ABTB3: variants seen among roughly 807,000 people sequenced by gnomAD.
ABTB3 encodes ankyrin repeat and BTB domain containing 3, also known as ankyrin repeat- and BTB/POZ domain-containing protein 3.
At chr12:107,642,145 G>A in the ABTB3 span, 1 of 1,613,986 alleles carries the variant, frequency 6.2e-7, no homozygotes, top group African/African-American at 1.3e-5. Context: ...CATAGAGATT[G>A]GTTATGTGAA....
the ABTB3 span, among the ~76,000 whole-genome samples, chr12:107,437,030 A>G: frequency 6.6e-6 from 1 of 152,026 alleles, no homozygotes. Context: ...GGAGTAGAAG[A>G]GTCATCCTTG....
the ABTB3 span, among the ~76,000 whole-genome samples, chr12:107,632,600 A>G: frequency 6.6e-6 from 1 of 152,242 alleles, no homozygotes; most frequent in African/African-American, 2.4e-5. Flanking sequence ...ACAAATGACC[A>G]TAATTCAGAG....
chr12:107,318,872 G>C, the ABTB3 span: 12 of 1,477,988 alleles, frequency 8.1e-6, no homozygotes, highest in Non-Finnish European at 1.1e-5. Context: ...CGCGCCCCGC[G>C]GCACTCGCTG....
chr12:107,441,313 A>T, the ABTB3 span, among the ~76,000 whole-genome samples: 1 of 152,202 alleles, frequency 6.6e-6, no homozygotes, highest in Non-Finnish European at 1.5e-5. Flanking sequence ...CTTTGCAGGG[A>T]CATGGAAGGA....
At chr12:107,612,649 C>T in the ABTB3 span, 32 of 912,746 alleles carry the variant, frequency 3.5e-5, 1 homozygote, top group Middle Eastern at 1.1e-3. Flanking sequence ...CAGGGCTGCA[C>T]GTTTATTTTT....
chr12:107,470,010 T>G, the ABTB3 span, among the ~76,000 whole-genome samples: 6 of 57,124 alleles, frequency 1.1e-4, no homozygotes, highest in African/African-American at 1.6e-4. Flanking sequence ...CTTTCTTTCT[T>G]TCTCTCTCTC....
the ABTB3 span, among the ~76,000 whole-genome samples, chr12:107,637,786 TTGTGTGTGTGTGTG>T: frequency 0.084 from 12,123 of 144,604 alleles, 715 homozygotes; most frequent in Middle Eastern, 0.17. Flanking sequence ...AGCACTGATT[TTGTGTGTGTGTGTG>T]TGTGTGTGTG....
At chr12:107,581,569 G>A in the ABTB3 span, among the ~76,000 whole-genome samples, 1 of 152,226 alleles carries the variant, frequency 6.6e-6, no homozygotes, top group Non-Finnish European at 1.5e-5. Flanking sequence ...CTCTCTGGCT[G>A]TTCTCTCTGC....
the ABTB3 span, among the ~76,000 whole-genome samples, chr12:107,446,252 G>A: frequency 6.6e-6 from 1 of 152,110 alleles, no homozygotes; most frequent in Non-Finnish European, 1.5e-5. Context: ...AGAGAGGAGT[G>A]GCTGGGAGTT....
At chr12:107,571,261 G>A in the ABTB3 span, among the ~76,000 whole-genome samples, 3 of 152,182 alleles carry the variant, frequency 2.0e-5, no homozygotes, top group Admixed American at 1.3e-4. Context: ...TCACATATGA[G>A]GAAACTGAGG....
the ABTB3 span, among the ~76,000 whole-genome samples, chr12:107,628,143 G>T: frequency 0.014 from 2,110 of 152,086 alleles, 45 homozygotes; most frequent in African/African-American, 0.047. Context: ...GTCTTTTTTT[G>T]GGGGGTGGGG....
the ABTB3 span, among the ~76,000 whole-genome samples, chr12:107,368,176 T>C: frequency 1.3e-5 from 2 of 152,214 alleles, no homozygotes; most frequent in African/African-American, 4.8e-5. Context: ...ATCCATCCCG[T>C]TAATAAGAGT....
chr12:107,529,576 T>C, the ABTB3 span, among the ~76,000 whole-genome samples: 2 of 152,256 alleles, frequency 1.3e-5, no homozygotes, highest in Non-Finnish European at 1.5e-5. Context: ...AAATGCTTTA[T>C]ATGCATTTCT....
chr12:107,534,427 GA>G, the ABTB3 span, among the ~76,000 whole-genome samples: 4 of 151,894 alleles, frequency 2.6e-5, no homozygotes, highest in Admixed American at 2.6e-4. Flanking sequence ...AAAATTAGGG[GA>G]AGGAAAGAAA....
At chr12:107,351,812 T>G in the ABTB3 span, among the ~76,000 whole-genome samples, 8 of 152,138 alleles carry the variant, frequency 5.3e-5, no homozygotes, top group Non-Finnish European at 1.0e-4. Flanking sequence ...CAAAACAGAC[T>G]AAGACACACC....
the ABTB3 span, among the ~76,000 whole-genome samples, chr12:107,421,975 G>C: frequency 6.6e-6 from 1 of 152,158 alleles, no homozygotes; most frequent in Non-Finnish European, 1.5e-5. Context: ...TGGCCTGAGG[G>C]AACTTATACT....
chr12:107,592,647 C>T, the ABTB3 span, among the ~76,000 whole-genome samples: 2 of 152,298 alleles, frequency 1.3e-5, no homozygotes, highest in Middle Eastern at 6.8e-3. Flanking sequence ...ATGCAATATG[C>T]TAACACTTCT....
At chr12:107,411,700 T>G in the ABTB3 span, among the ~76,000 whole-genome samples, 50 of 152,266 alleles carry the variant, frequency 3.3e-4, no homozygotes, top group South Asian at 0.01. Flanking sequence ...CTATACAGAT[T>G]TATGCCAAGT....
chr12:107,400,050 A>G, the ABTB3 span, among the ~76,000 whole-genome samples: 8,320 of 152,186 alleles, frequency 0.055, 435 homozygotes, highest in African/African-American at 0.14. Flanking sequence ...GTATTCTATG[A>G]TGTATATGTG....
Sources: gnomAD v4.1 joint callset for allele counts (sites outside exome capture counted in the v4.1 genomes callset) on GRCh38, gnomAD v4.1.1 for gene constraint, MANE v1.5 for transcripts, NCBI Gene and HGNC (gene_info 2026-07-23, HGNC 2026-07-21) for gene names.